Variants in TP73 observed in about 807,000 individuals in gnomAD.
TP73 encodes the protein p53-like transcription factor.
TP73 carries 25 observed loss-of-function variants against 62.5 expected under a neutral mutation model. The observed-to-expected ratio is 0.40, with a 90% CI of 0.29 to 0.56. The LOEUF is 0.56. Among genes scored for constraint, TP73 ranks in the 20% least tolerant of loss-of-function variants. TP73 has a pLI of 0.46. For missense variants in TP73, 754 were observed against 913.3 expected (o/e 0.83, Z 2.25); for synonymous variants, 423 against 377.5 (o/e 1.12, Z -1.40).
Position 3,666,628 on chromosome 1 carries a change from G to C in TP73, c.-34+13987G>C, listed in dbSNP as rs892765068. On this transcript the variant is annotated intron_variant, in intron 1 of 13. Transcript: ENST00000378295. The surrounding 1 kb of genome is among the most constrained non-coding windows in gnomAD (Gnocchi z 6.4). Reference sequence around the variant, plus strand: ...CCACCACCTCCTGCCCACCTCCCTGGCCTTGGCTGCAGGCTAGGGTGCCCT... The same window carrying C: ...CCACCACCTCCTGCCCACCTCCCTGCCCTTGGCTGCAGGCTAGGGTGCCCT... 2.6e-5 allele frequency among the ~76,000 whole-genome samples: 4 copies of C among 152,110 alleles called. No individual in the cohort carries two copies. The East Asian group carries it at 7.7e-4, about 29-fold the overall frequency.
At chr1:3,692,969 T>C (rs999797850) in intron 3 of TP73, among the ~76,000 whole-genome samples, 2 of 152,184 alleles carry the variant, frequency 1.3e-5, no homozygotes, top group African/African-American at 4.8e-5. Context: ...CCATCACTGT[T>C]TCTTTTTACA....
In TP73 at chr1:3,703,531, G is replaced by A. The variant is rs528726267; in HGVS notation, c.187-4018G>A. 2.6e-5 allele frequency among the ~76,000 whole-genome samples: 4 copies of A among 152,252 alleles called. 1 individual carries two copies. Among genetic ancestry groups the A allele is most frequent in the Non-Finnish European group, 5.9e-5 (4 of 68,044 alleles). ...TGCCGCAAGGGCCTGGCTCACTCCCGCTGGGCTGTGCTAGGCGCAGAGATC... is the reference window on the plus strand; with the variant it reads ...TGCCGCAAGGGCCTGGCTCACTCCCACTGGGCTGTGCTAGGCGCAGAGATC... On this transcript the variant is annotated intron_variant, in intron 3 of 13. Coordinates refer to ENST00000378295, the MANE Select transcript of TP73 (RefSeq NM_005427.4).
chr1:3,730,982 C>T lies in TP73; in HGVS notation c.1401C>T (p.Ser467=). ...CAGTGCCAGCCAACGGCGAGATGAG[C>T]AGCAGCCACAGCGCCCAGTCCATGG... is the stretch of plus-strand genomic sequence containing the variant. ...GHAVPANGEM[S]SSHSAQSMVS... is the part of the protein sequence containing the mutation. Residue 467 remains serine, a synonymous_variant, in exon 12 of 14, where the codon AGC becomes AGT. Transcript: ENST00000378295. 1 of 1,612,078 alleles carries T rather than the reference C, an allele frequency of 6.2e-7. No homozygotes were observed. The highest frequency in any genetic ancestry group is 8.5e-7 in the Non-Finnish European group (1 of 1,179,706).
At chr1:3,673,392 C>T (rs772031662) in intron 1 of TP73, among the ~76,000 whole-genome samples, 7 of 152,156 alleles carry the variant, frequency 4.6e-5, no homozygotes, top group African/African-American at 7.2e-5. Context: ...AAATAACCGT[C>T]GGTCAATGGC....
chr1:3,723,795 C>A (rs1443424142), intron 6 of TP73, among the ~76,000 whole-genome samples: 1 of 152,260 alleles, frequency 6.6e-6, no homozygotes, highest in Admixed American at 6.5e-5. Flanking sequence ...CGGCCTGGGG[C>A]TCCCAGACAC....
intron 3 of TP73, among the ~76,000 whole-genome samples, chr1:3,697,184 G>A (rs1302343165): frequency 2.3e-5 from 3 of 130,672 alleles, no homozygotes; most frequent in South Asian, 2.4e-4. Context: ...CGTCGCACCC[G>A]CGGCCCACCT....
In TP73 at chr1:3,707,630, G is replaced by A. The variant is rs1400737698; in HGVS notation, c.268G>A (p.Ala90Thr). Reference protein sequence around the residue: ...ASASPYTPEHAASVPTHSPYA... With the variant: ...ASASPYTPEHTASVPTHSPYA... Reference sequence around the variant, plus strand: ...GGCCAGCCCCTACACCCCAGAGCACGCCGCCAGCGTGCCCACCCACTCGCC... The same window carrying A: ...GGCCAGCCCCTACACCCCAGAGCACACCGCCAGCGTGCCCACCCACTCGCC... Residue 90 changes from alanine (A) to threonine (T), a missense_variant, in exon 4 of 14, where the codon GCC (alanine) becomes ACC (threonine). This residue lies in a region of TP73 where 235 missense variants were observed against 251.4 expected (regional missense o/e 0.93). Transcript: ENST00000378295. 6.8e-6 allele frequency: 11 copies of A among 1,612,714 alleles called. No individual in the cohort carries two copies. Among genetic ancestry groups the A allele is most frequent in the South Asian group, 2.2e-5 (2 of 91,076 alleles).
intron 3 of TP73, chr1:3,698,098 C>T: frequency 1.0e-6 from 1 of 985,562 alleles, no homozygotes; most frequent in Non-Finnish European, 1.2e-6. Context: ...GTCAGTGTCT[C>T]CAGCACAGCA....
At position 3,690,601 on chromosome 1, in the gene TP73, A is replaced by C. The variant is rs1339837030; in HGVS notation, c.186+7421A>C. On this transcript the variant is annotated intron_variant, in intron 3 of 13. Coordinates refer to ENST00000378295, the MANE Select transcript of TP73 (RefSeq NM_005427.4). ...GTGCGGTCCAACACATCACCGGGCA[A>C]GCTGAGGCCTGCCCCGGACTTGGAT... is the stretch of plus-strand genomic sequence containing the variant. The C allele has an allele frequency of 7.1e-6, 9 of 1,264,988 alleles. No individual in the cohort carries two copies. In the Admixed American group the frequency reaches 1.8e-4, roughly 25 times the overall value. 78.4% of individuals were successfully genotyped at this position (1,264,988 alleles called of 1,614,324 possible).
At chr1:3,668,136 C>T (rs906723975) in intron 1 of TP73, among the ~76,000 whole-genome samples, 2 of 152,238 alleles carry the variant, frequency 1.3e-5, no homozygotes, top group African/African-American at 4.8e-5. Flanking sequence ...CCTCACTTTC[C>T]TATGAACTAG....
chr1:3,699,989 G>A lies in TP73; in HGVS notation c.187-7560G>A, dbSNP rs977793403. On this transcript the variant is annotated intron_variant, in intron 3 of 13. Transcript: ENST00000378295. This position sits in a 1 kb window ranked among gnomAD's most constrained non-coding sequence, Gnocchi z 4.1. ...CGCCAAGCCCAGGGCCCCAGGAAGCGGCCCCATCCTTGGGAGCTGTCCTGG... is the reference window on the plus strand; with the variant it reads ...CGCCAAGCCCAGGGCCCCAGGAAGCAGCCCCATCCTTGGGAGCTGTCCTGG... 2.1e-4 allele frequency among the ~76,000 whole-genome samples: 32 copies of A among 152,124 alleles called. No individual in the cohort carries two copies. The highest frequency in any genetic ancestry group is 7.2e-4 in the African/African-American group (30 of 41,514).
chr1:3,728,496 G>A (rs1004157052), intron 9 of TP73, among the ~76,000 whole-genome samples: 3 of 152,234 alleles, frequency 2.0e-5, no homozygotes, highest in African/African-American at 7.2e-5. Flanking sequence ...GTAGGGTGGT[G>A]CGGAGTGCCA....
intron 1 of TP73, among the ~76,000 whole-genome samples, chr1:3,653,047 T>G (rs1194295573): frequency 6.6e-6 from 1 of 150,534 alleles, no homozygotes; most frequent in Non-Finnish European, 1.5e-5. Context: ...GCCAGCAAGC[T>G]CCTCCCCGCC....
At chr1:3,727,565 A>T in intron 7 of TP73, 63 bp from the exon 8 acceptor site, 1 of 1,553,542 alleles carries the variant, frequency 6.4e-7, no homozygotes, top group South Asian at 1.2e-5. Flanking sequence ...GTGGGTGGGG[A>T]AGGTGGGCAG....
At chr1:3,690,669 G>C in intron 3 of TP73, 1 of 1,407,846 alleles carries the variant, frequency 7.1e-7, no homozygotes, top group Non-Finnish European at 9.3e-7. Flanking sequence ...GGGTTTTGTT[G>C]TTGGATTCAG....
At chr1:3,684,710 A>T (rs1435078421) in intron 3 of TP73, among the ~76,000 whole-genome samples, 1 of 152,072 alleles carries the variant, frequency 6.6e-6, no homozygotes, top group African/African-American at 2.4e-5. Context: ...AATTCCTCCG[A>T]GGAGCCCCTC....
chr1:3,697,991 G>T, intron 3 of TP73: 2 of 739,702 alleles, frequency 2.7e-6, no homozygotes, highest in Non-Finnish European at 3.3e-6. Flanking sequence ...ACCCTGCACT[G>T]CACGTGTCAT....
At chr1:3,711,690 G>A (rs985548073) in intron 4 of TP73, among the ~76,000 whole-genome samples, 3 of 152,246 alleles carry the variant, frequency 2.0e-5, no homozygotes, top group Non-Finnish European at 2.9e-5. Flanking sequence ...CACAGCCCAC[G>A]AGGCAGGCTG....
chr1:3,684,277 G>A (rs957293616), intron 3 of TP73, among the ~76,000 whole-genome samples: 48 of 152,378 alleles, frequency 3.2e-4, no homozygotes, highest in African/African-American at 9.4e-4. Context: ...TTGCGCTGCG[G>A]AAAACCAGCC....
Sources: allele counts gnomAD v4.1 joint callset (sites outside exome capture counted in the v4.1 genomes callset), GRCh38; gene constraint gnomAD v4.1.1; regional missense constraint gnomAD v4.1.1; non-coding constraint Gnocchi (gnomAD v3.1); transcripts MANE v1.5; gene names NCBI Gene and HGNC (gene_info 2026-07-23, HGNC 2026-07-21).